The following COL28A1 variants were observed in gnomAD, a reference collection of about 807,000 sequenced individuals.
The protein encoded by COL28A1 is collagen type XXVIII alpha 1 chain, also known as collagen alpha-1(XXVIII) chain.
In COL28A1, 161 loss-of-function variants were observed where a neutral mutation model predicts 150.2. The observed-to-expected ratio is 1.07, with a 90% CI of 0.94 to 1.22. The LOEUF (loss-of-function observed/expected upper bound fraction) is 1.22, where lower values mean the gene tolerates loss of function less well. COL28A1 is among the 50% of genes most tolerant of loss of function. The pLI is 0.00. For synonymous variants in COL28A1, 552 were observed against 469.7 expected (o/e 1.18, Z -2.26); for missense variants, 1,617 against 1,388.3 (o/e 1.16, Z -2.62).
downstream of COL28A1, chr7:7,356,309 A>G (rs1163268822): frequency 6.6e-6 from 1 of 152,188 alleles, no homozygotes; most frequent in African/African-American, 2.4e-5. Flanking sequence ...TCAACAGCAC[A>G]TTGACATGGT....
rs535840822 is a variant in COL28A1 at position 7,487,931 on chromosome 7, A to G, written c.1164+1458T>C. Among the ~76,000 whole-genome samples, 3 of 152,260 alleles carry G rather than the reference A, an allele frequency of 2.0e-5. No homozygotes were observed. In the East Asian group the frequency reaches 5.8e-4, roughly 29 times the overall value. Reference sequence around the variant, plus strand: ...GCCCAAGCAACCACTGTAGCTGCCCATGTGGAGGAGAAATGAGGTCTCTGG... The same window carrying G: ...GCCCAAGCAACCACTGTAGCTGCCCGTGTGGAGGAGAAATGAGGTCTCTGG... On this transcript the variant is annotated intron_variant, in intron 13 of 34. Transcript: ENST00000399429.
chr7:7,484,467 T>A (rs565861172), intron 13 of COL28A1, among the ~76,000 whole-genome samples: 11 of 151,920 alleles, frequency 7.2e-5, no homozygotes, highest in African/African-American at 2.2e-4. Flanking sequence ...AAAGAGAAAT[T>A]TAGGAAGCTA....
intron 27 of COL28A1, 99 bp from the exon 28 acceptor site, chr7:7,381,711 A>T: frequency 1.3e-6 from 1 of 748,446 alleles, no homozygotes; most frequent in Non-Finnish European, 2.4e-6. Flanking sequence ...ACTGCATTAT[A>T]GTATTATCTA....
At chr7:7,447,913 C>T (rs1428296826) in intron 18 of COL28A1, among the ~76,000 whole-genome samples, 2 of 151,970 alleles carry the variant, frequency 1.3e-5, no homozygotes, top group African/African-American at 4.8e-5. Flanking sequence ...CTAAAAAATA[C>T]AAAAATTAGC....
At chr7:7,464,455 C>A (rs1229747791) in intron 15 of COL28A1, among the ~76,000 whole-genome samples, 1 of 152,116 alleles carries the variant, frequency 6.6e-6, no homozygotes, top group Non-Finnish European at 1.5e-5. Context: ...GAAATTATAC[C>A]AAGCAGTCTT....
chr7:7,400,361 G>A (rs1264156728), intron 27 of COL28A1, among the ~76,000 whole-genome samples: 9 of 152,186 alleles, frequency 5.9e-5, no homozygotes, highest in Admixed American at 5.9e-4. Flanking sequence ...AAAATAGGGT[G>A]AAGCAGAGTC....
intron 30 of COL28A1, among the ~76,000 whole-genome samples, chr7:7,376,073 C>T (rs1781525181): frequency 6.6e-6 from 1 of 152,114 alleles, no homozygotes; most frequent in Non-Finnish European, 1.5e-5. Context: ...CCTGAACGCC[C>T]TTTTCTTGTC....
intron 27 of COL28A1, among the ~76,000 whole-genome samples, chr7:7,405,019 G>A (rs1583301856): frequency 6.6e-6 from 1 of 152,098 alleles, no homozygotes; most frequent in Non-Finnish European, 1.5e-5. Flanking sequence ...GAGTAGCTGG[G>A]ACTACATGCA....
chr7:7,532,723 T>C, intron 2 of COL28A1, 29 bp downstream of exon 2: 1 of 1,587,016 alleles, frequency 6.3e-7, no homozygotes, highest in Non-Finnish European at 8.5e-7. Context: ...CAGGCTAAAC[T>C]TAAAAACAAA....
In COL28A1 at chr7:7,412,799, A is replaced by C. The variant is rs191125335; in HGVS notation, c.2136+5060T>G. Among the ~76,000 whole-genome samples, 13 of 152,116 alleles carry C rather than the reference A, an allele frequency of 8.5e-5. No individual in the cohort carries two copies. In the East Asian group the frequency reaches 2.3e-3, roughly 27 times the overall value. ...CTCTGTGTCCTAGACATTTTATACA[A>C]TTTTTTCTTTTTAACACTGTGTAAA... is the stretch of plus-strand genomic sequence containing the variant. On this transcript the variant is annotated intron_variant, in intron 27 of 34. Coordinates refer to ENST00000399429, the MANE Select transcript of COL28A1 (RefSeq NM_001037763.3).
the COL28A1 span, among the ~76,000 whole-genome samples, chr7:7,347,067 C>T: frequency 2.0e-5 from 3 of 151,992 alleles, no homozygotes; most frequent in East Asian, 5.8e-4. Flanking sequence ...TTTCTTAATA[C>T]CAGAAGGCTT....
At chr7:7,437,068 T>C (rs1003086504) in intron 22 of COL28A1, among the ~76,000 whole-genome samples, 3 of 152,096 alleles carry the variant, frequency 2.0e-5, no homozygotes, top group Non-Finnish European at 2.9e-5. Flanking sequence ...CCTGAGTGGA[T>C]ATCTCTTCTG....
At chr7:7,444,599 T>C (rs1423174553) in intron 18 of COL28A1, 110 bp from the exon 19 acceptor site, 2 of 1,032,520 alleles carry the variant, frequency 1.9e-6, no homozygotes, top group African/African-American at 1.6e-5. Flanking sequence ...AGAAATCTCA[T>C]TAGCAATTAA....
chr7:7,456,844 T>A (rs1223441226), intron 15 of COL28A1, among the ~76,000 whole-genome samples: 1 of 152,126 alleles, frequency 6.6e-6, no homozygotes. Context: ...ATAACTAGTA[T>A]GTTGAATAAT....
At chr7:7,471,125 T>TAAAAAAAAAAA (rs746981344) in intron 15 of COL28A1, among the ~76,000 whole-genome samples, 9 of 88,516 alleles carry the variant, frequency 1.0e-4, no homozygotes, top group Admixed American at 1.3e-4. Flanking sequence ...AAAAAATAAT[T>TAAAAAAAAAAA]AAAAAAAAAA....
chr7:7,378,872 C>T (rs1258985781), intron 30 of COL28A1, among the ~76,000 whole-genome samples: 1 of 152,114 alleles, frequency 6.6e-6, no homozygotes, highest in Non-Finnish European at 1.5e-5. Flanking sequence ...CTTCTTGTAC[C>T]ACAACCCACT....
chr7:7,406,322 AC>A (rs1477281880), intron 27 of COL28A1, among the ~76,000 whole-genome samples: 2 of 152,134 alleles, frequency 1.3e-5, no homozygotes, highest in African/African-American at 4.8e-5. Flanking sequence ...CTTGGTCATC[AC>A]CCACCAAGTA....
chr7:7,409,877 C>A (rs373993116), intron 27 of COL28A1, among the ~76,000 whole-genome samples: 2 of 151,950 alleles, frequency 1.3e-5, no homozygotes, highest in Non-Finnish European at 2.9e-5. Flanking sequence ...AAATATAAGC[C>A]GGTAATAATG....
At chr7:7,340,215 G>A in the COL28A1 span, among the ~76,000 whole-genome samples, 6 of 151,846 alleles carry the variant, frequency 4.0e-5, no homozygotes, top group Admixed American at 6.6e-5. Flanking sequence ...TACCATGCCC[G>A]GCCCATTATT....
Sources: gnomAD v4.1 joint callset for allele counts (sites outside exome capture counted in the v4.1 genomes callset) on GRCh38, gnomAD v4.1.1 for gene constraint, MANE v1.5 for transcripts, NCBI Gene and HGNC (gene_info 2026-07-23, HGNC 2026-07-21) for gene names.